The following SLC18A1 variants were observed in gnomAD, a reference collection of about 807,000 sequenced individuals.
SLC18A1 encodes the protein chromaffin granule amine transporter.
Under a neutral mutation model 53.7 loss-of-function variants are expected in SLC18A1, and 69 were observed. The observed-to-expected ratio is 1.28, with a 90% confidence interval of 1.06 to 1.57. The LOEUF (loss-of-function observed/expected upper bound fraction) is 1.57. Among genes scored for constraint, SLC18A1 ranks in the 40% most tolerant of loss-of-function variants. The pLI is 0.00. For missense variants in SLC18A1, 932 were observed against 668.1 expected (o/e 1.40, Z -4.35); for synonymous variants, 320 against 248.1 (o/e 1.29, Z -2.72).
chr8:20,171,641 A>AG, intron 6 of SLC18A1, 147 bp from the exon 7 acceptor site: 1 of 655,942 alleles, frequency 1.5e-6, no homozygotes, highest in Non-Finnish European at 2.8e-6. Flanking sequence ...AGATGGAGAC[A>AG]TGATCCCTGT....
intron 10 of SLC18A1, among the ~76,000 whole-genome samples, chr8:20,152,998 G>C (rs913592653): frequency 7.2e-5 from 11 of 152,204 alleles, no homozygotes; most frequent in Non-Finnish European, 7.3e-5. Context: ...CATAGCTTCT[G>C]TTTTCTCAAT....
intron 5 of SLC18A1, among the ~76,000 whole-genome samples, chr8:20,173,880 C>G (rs1319000788): frequency 6.7e-6 from 1 of 149,610 alleles, no homozygotes; most frequent in Non-Finnish European, 1.5e-5. Context: ...CTGTTAGAAA[C>G]TCTGTAATTC....
In SLC18A1 at chr8:20,180,940, G is replaced by A; in HGVS notation, c.25C>T (p.Pro9Ser). MLRTILDAPQRLLKEGRAS... is the reference protein window; with the variant it reads MLRTILDASQRLLKEGRAS... The stretch of plus-strand genomic sequence containing the variant: ...CTCCCCTCCTTCAGCAACCGCTGGG[G>A]AGCATCCAGAATGGTCCGGAGCATG... Residue 9 changes from proline (P) to serine (S), a missense_variant, in exon 2 of 16, where the codon CCC (proline) becomes TCC (serine). Transcript: ENST00000276373. 6.3e-7 allele frequency: 1 copy of A among 1,594,496 alleles called. No homozygotes were observed. Among genetic ancestry groups the A allele is most frequent in the South Asian group, 1.1e-5 (1 of 88,466 alleles).
At chr8:20,148,418 A>C in intron 12 of SLC18A1, 1 of 1,281,746 alleles carries the variant, frequency 7.8e-7, no homozygotes, top group Non-Finnish European at 1.0e-6. Context: ...TCTTCACCTA[A>C]ACATACACTC....
intron 10 of SLC18A1, among the ~76,000 whole-genome samples, chr8:20,155,298 C>T (rs1051574150): frequency 1.3e-5 from 2 of 152,188 alleles, no homozygotes; most frequent in African/African-American, 4.8e-5. Flanking sequence ...CCTATCCTTC[C>T]TTAGAATCAG....
chr8:20,180,317 T>A (rs2128881022), intron 2 of SLC18A1, among the ~76,000 whole-genome samples: 1 of 152,318 alleles, frequency 6.6e-6, no homozygotes, highest in East Asian at 1.9e-4. Flanking sequence ...GAGAAACCTT[T>A]TAGTGCCCAT....
At chr8:20,147,958 C>G (rs749701461) in intron 13 of SLC18A1, 49 bp downstream of exon 13, 1 of 1,595,832 alleles carries the variant, frequency 6.3e-7, no homozygotes, top group East Asian at 2.2e-5. Context: ...GCATCAGACC[C>G]AAAGCCAACA....
At chr8:20,152,524 G>A (rs1428031508) in intron 10 of SLC18A1, among the ~76,000 whole-genome samples, 1 of 152,092 alleles carries the variant, frequency 6.6e-6, no homozygotes, top group African/African-American at 2.4e-5. Context: ...AGGAGGGGAA[G>A]TGAGAAATCA....
At chr8:20,159,170 A>G (rs1489000756) in intron 10 of SLC18A1, among the ~76,000 whole-genome samples, 2 of 152,114 alleles carry the variant, frequency 1.3e-5, no homozygotes, top group Admixed American at 1.3e-4. Context: ...AATGTTGATG[A>G]CATCGAAAGC....
chr8:20,170,523 C>T (rs985673479), intron 8 of SLC18A1, among the ~76,000 whole-genome samples: 7 of 152,148 alleles, frequency 4.6e-5, no homozygotes, highest in African/African-American at 1.2e-4. Context: ...TTTTTTCCTT[C>T]GTGGTGGGAT....
chr8:20,173,844 A>G (rs1585221090), intron 5 of SLC18A1, among the ~76,000 whole-genome samples: 1 of 151,138 alleles, frequency 6.6e-6, no homozygotes, highest in African/African-American at 2.4e-5. Context: ...AGAGGAAGTT[A>G]TGTCAGGCTC....
intron 8 of SLC18A1, among the ~76,000 whole-genome samples, chr8:20,168,020 T>C (rs1270216749): frequency 1.3e-5 from 2 of 152,030 alleles, no homozygotes; most frequent in African/African-American, 4.8e-5. Flanking sequence ...AAGATGAACG[T>C]AGGACATATT....
chr8:20,160,980 C>A (rs2128872728), intron 10 of SLC18A1, among the ~76,000 whole-genome samples: 1 of 152,284 alleles, frequency 6.6e-6, no homozygotes, highest in African/African-American at 2.4e-5. Flanking sequence ...GCCCCTAGGA[C>A]TTTATCACCT....
chr8:20,168,399 G>T lies in SLC18A1; in HGVS notation c.858+2704C>A, dbSNP rs539794959. Among the ~76,000 whole-genome samples the T allele has an allele frequency of 2.0e-4, 30 of 150,690 alleles. No individual in the cohort carries two copies. In the South Asian group the frequency reaches 5.6e-3, roughly 28 times the overall value. ...AAATTAAACAAGTAAATAGAGTGAT[G>T]AACTACAAAAATAGGACTCCATGAT... On this transcript the variant is annotated intron_variant, in intron 8 of 15. Coordinates refer to ENST00000276373, the MANE Select transcript of SLC18A1 (RefSeq NM_003053.4).
At chr8:20,173,181 T>C in intron 5 of SLC18A1, 53 bp from the exon 6 acceptor site, 1 of 1,350,878 alleles carries the variant, frequency 7.4e-7, no homozygotes, top group Non-Finnish European at 1.0e-6. Context: ...TCTATCCGCC[T>C]CTCAGAGCCC....
In SLC18A1 at chr8:20,173,061, C is replaced by CA. The variant is rs747964113; in HGVS notation, c.698dup (p.Leu236ProfsTer51). 11 of 1,591,982 alleles carry CA rather than the reference C, an allele frequency of 6.9e-6. No homozygotes were observed. Among genetic ancestry groups the CA allele is most frequent in the African/African-American group, 1.3e-5 (1 of 74,458 alleles). On this transcript the variant is annotated frameshift_variant, in exon 6 of 16. Coordinates refer to ENST00000276373, the MANE Select transcript of SLC18A1 (RefSeq NM_003053.4). LOFTEE classifies it high-confidence loss of function. ...CCAGCAACCCCAAGGCCAGGCCCCC[C>CA]AGAGCAGTTCCCATGGCTCGTCCTC...
chr8:20,166,269 G>A (rs2071954778), intron 8 of SLC18A1, among the ~76,000 whole-genome samples: 1 of 114,898 alleles, frequency 8.7e-6, no homozygotes, highest in Non-Finnish European at 1.8e-5. Flanking sequence ...ATACAAAATT[G>A]TGTGTGGGTG....
intron 4 of SLC18A1, among the ~76,000 whole-genome samples, chr8:20,177,578 T>C (rs1178894285): frequency 6.6e-6 from 1 of 152,178 alleles, no homozygotes; most frequent in African/African-American, 2.4e-5. Flanking sequence ...ACATGGCACA[T>C]GTATACATAC....
chr8:20,159,530 C>T (rs549336686), intron 10 of SLC18A1, among the ~76,000 whole-genome samples: 4 of 148,556 alleles, frequency 2.7e-5, no homozygotes, highest in South Asian at 4.3e-4. Context: ...GGACAATGAT[C>T]GGGATATAAA....
Sources: gnomAD v4.1 joint callset for allele counts (sites outside exome capture counted in the v4.1 genomes callset) on GRCh38, gnomAD v4.1.1 for gene constraint, MANE v1.5 for transcripts, NCBI Gene and HGNC (gene_info 2026-07-23, HGNC 2026-07-21) for gene names.